GRK4: variants seen among roughly 807,000 people sequenced by gnomAD.
GRK4 encodes G protein-coupled receptor kinase 2-like.
Under a neutral mutation model 77.9 loss-of-function variants are expected in GRK4, and 73 were observed. The ratio of observed to expected loss-of-function variants is 0.94; its 90% CI spans 0.78 to 1.14. The LOEUF (loss-of-function observed/expected upper bound fraction) is 1.14, where lower values mean the gene tolerates loss of function less well. Among genes scored for constraint, GRK4 ranks in the 50% most tolerant of loss-of-function variants. The pLI, the probability that GRK4 is intolerant of heterozygous loss-of-function variation, is 0.00. For synonymous variants in GRK4, 257 were observed against 254.4 expected (o/e 1.01, Z -0.10); for missense variants, 729 against 700.2 (o/e 1.04, Z -0.46).
At chr4:2,997,923 A>AG (rs1303126708) in intron 4 of GRK4, among the ~76,000 whole-genome samples, 10 of 151,804 alleles carry the variant, frequency 6.6e-5, no homozygotes, top group African/African-American at 2.2e-4. Context: ...AAAAAAAAAA[A>AG]AAGTAAAAGA....
chr4:3,019,550 C>A, intron 8 of GRK4, 91 bp from the exon 9 acceptor site: 1 of 1,074,330 alleles, frequency 9.3e-7, no homozygotes, highest in Non-Finnish European at 1.4e-6. Context: ...GTAAACCTAA[C>A]ACAGATTATT....
chr4:3,011,692 C>T (rs1234029229), intron 7 of GRK4, among the ~76,000 whole-genome samples: 1 of 152,208 alleles, frequency 6.6e-6, no homozygotes, highest in African/African-American at 2.4e-5. Flanking sequence ...CCTCGGTGCC[C>T]TTTAATCCAG....
At chr4:2,966,683 C>T (rs1717811065) in intron 1 of GRK4, 1 of 152,140 alleles carries the variant, frequency 6.6e-6, no homozygotes, top group Non-Finnish European at 1.5e-5. Context: ...CCAGGAAGTA[C>T]CAGGAGGTGT....
chr4:3,033,491 C>G (rs1413776529), intron 12 of GRK4, among the ~76,000 whole-genome samples: 3 of 152,212 alleles, frequency 2.0e-5, no homozygotes, highest in Non-Finnish European at 4.4e-5. Context: ...AGTATGCTGG[C>G]AGCAAGCTCA....
chr4:3,024,249 C>CT (rs1314325566), intron 10 of GRK4, among the ~76,000 whole-genome samples: 1 of 152,098 alleles, frequency 6.6e-6, no homozygotes, highest in African/African-American at 2.4e-5. Context: ...CACAGTTTTC[C>CT]TTTTTTTAAA....
intron 1 of GRK4, chr4:2,971,148 C>G (rs963407021): frequency 1.3e-5 from 2 of 152,196 alleles, no homozygotes; most frequent in African/African-American, 4.8e-5. Context: ...CATATGTGTG[C>G]AAAGTTGCTT....
At chr4:2,980,547 C>G (rs1159766600) in intron 1 of GRK4, among the ~76,000 whole-genome samples, 2 of 151,750 alleles carry the variant, frequency 1.3e-5, no homozygotes, top group Non-Finnish European at 2.9e-5. Context: ...CAGAACAGCA[C>G]CTAGATGAGG....
chr4:3,001,089 A>ATATATGTGTGTGTGTGTGTGTG, intron 4 of GRK4, among the ~76,000 whole-genome samples: 1 of 82,428 alleles, frequency 1.2e-5, no homozygotes, highest in African/African-American at 5.8e-5. Context: ...ATATATATAT[A>ATATATGTGTGTGTGTGTGTGTG]TGTGTGTGTG....
Position 2,992,266 on chromosome 4 carries a change from A to G in GRK4, c.313A>G (p.Ile105Val). The G allele has an allele frequency of 6.2e-7, 1 of 1,607,642 alleles. No homozygotes were observed. The highest frequency in any genetic ancestry group is 8.5e-7 in the Non-Finnish European group (1 of 1,174,306). ...GGACCGAAGTGATTGTGGACTGTCA[A>G]TCTTAGATAGATTCTTCAATGATAA... ...DEDRSDCGLS[I>V]LDRFFNDKLA... Residue 105 changes from isoleucine to valine, a missense_variant, in exon 4 of 16, where the codon ATC becomes GTC. Coordinates refer to ENST00000398052, the MANE Select transcript of GRK4 (RefSeq NM_182982.3).
At chr4:2,979,381 G>GT (rs1722156151) in intron 1 of GRK4, among the ~76,000 whole-genome samples, 1 of 139,802 alleles carries the variant, frequency 7.2e-6, no homozygotes, top group Non-Finnish European at 1.5e-5. Context: ...TCCAACCTGA[G>GT]TGACAGAGGG....
At chr4:3,037,227 C>G (rs1008139544) in intron 13 of GRK4, 147 bp from the exon 14 acceptor site, 1 of 799,358 alleles carries the variant, frequency 1.3e-6, no homozygotes, top group African/African-American at 1.7e-5. Context: ...GAAAATGCCT[C>G]AAGTGAGAGG....
At chr4:3,009,533 C>A in intron 6 of GRK4, 115 bp from the exon 7 acceptor site, 1 of 698,590 alleles carries the variant, frequency 1.4e-6, no homozygotes. Flanking sequence ...TCCCGGGCAT[C>A]CCCTTTGAGC....
At chr4:2,988,986 C>T in intron 3 of GRK4, 147 bp downstream of exon 3, 1 of 576,404 alleles carries the variant, frequency 1.7e-6, no homozygotes. Flanking sequence ...AGATCGAGAC[C>T]ATCCTGACCA....
At chr4:2,981,984 G>A (rs1723007399) in intron 1 of GRK4, among the ~76,000 whole-genome samples, 2 of 152,268 alleles carry the variant, frequency 1.3e-5, no homozygotes, top group African/African-American at 4.8e-5. Flanking sequence ...CACCTGGCTG[G>A]GTTGTGACAG....
At position 2,995,107 on chromosome 4, in the gene GRK4, A is replaced by G. The variant is rs188755554; in HGVS notation, c.339+2815A>G. Among the ~76,000 whole-genome samples the G allele has an allele frequency of 4.6e-3, 698 of 152,340 alleles. 7 individuals are homozygous for G. The highest frequency in any genetic ancestry group is 0.011 in the African/African-American group (437 of 41,574). ...CTCCATCCATGTTCTTGCAAAGAACATGATCGTTCTCTTTTTTACGGCTGC... is the reference window on the plus strand; with the variant it reads ...CTCCATCCATGTTCTTGCAAAGAACGTGATCGTTCTCTTTTTTACGGCTGC... On this transcript the variant is annotated intron_variant, in intron 4 of 15. Transcript: ENST00000398052.
chr4:2,965,751 C>A (rs570060463), intron 1 of GRK4: 4 of 386,404 alleles, frequency 1.0e-5, no homozygotes, highest in South Asian at 7.4e-5. Context: ...AATAGAAGAA[C>A]TGAGAATGGG....
At chr4:3,034,262 G>A (rs1739973224) in intron 12 of GRK4, among the ~76,000 whole-genome samples, 1 of 152,204 alleles carries the variant, frequency 6.6e-6, no homozygotes, top group Non-Finnish European at 1.5e-5. Context: ...AAGGAGCTGA[G>A]AGCGGTGGGA....
intron 1 of GRK4, among the ~76,000 whole-genome samples, chr4:2,981,320 G>C (rs1333811746): frequency 6.6e-6 from 1 of 152,222 alleles, no homozygotes; most frequent in Non-Finnish European, 1.5e-5. Flanking sequence ...CCAAGTTCTT[G>C]TCCCATGTCC....
At chr4:2,993,015 T>G (rs1312135010) in intron 4 of GRK4, among the ~76,000 whole-genome samples, 1 of 152,118 alleles carries the variant, frequency 6.6e-6, no homozygotes, top group Non-Finnish European at 1.5e-5. Context: ...TTAATTAATC[T>G]TTAAAAAGCT....
Sources: allele counts gnomAD v4.1 joint callset (sites outside exome capture counted in the v4.1 genomes callset), GRCh38; gene constraint gnomAD v4.1.1; transcripts MANE v1.5; gene names NCBI Gene and HGNC (gene_info 2026-07-23, HGNC 2026-07-21).